The following CSN3 variants were observed in gnomAD, a reference collection of about 807,000 sequenced individuals.
CSN3 encodes the protein kappa-casein.
CSN3 carries 7 observed loss-of-function variants against 9.9 expected under a neutral mutation model. The ratio of observed to expected loss-of-function variants is 0.71; its 90% confidence interval spans 0.40 to 1.33. The LOEUF (loss-of-function observed/expected upper bound fraction) is 1.33. Among genes scored for constraint, CSN3 ranks in the 40% most tolerant of loss-of-function variants. The pLI, the probability that CSN3 is intolerant of heterozygous loss-of-function variation, is 0.01. For synonymous variants in CSN3, 88 were observed against 82.3 expected, an observed-to-expected ratio of 1.07 and a Z score of -0.37; for missense variants, 253 against 227.9, an observed-to-expected ratio of 1.11 and a Z score of -0.71.
At chr4:70,245,804 C>T (rs1849717) in intron 2 of CSN3, among the ~76,000 whole-genome samples, 17,268 of 152,030 alleles carry the variant, frequency 0.11, 1,294 homozygotes, top group East Asian at 0.27. Flanking sequence ...ATAACATGTC[C>T]ATTAATTCTA....
upstream of CSN3, among the ~76,000 whole-genome samples, chr4:70,239,323 T>C (rs1021365503): frequency 6.6e-5 from 10 of 151,880 alleles, no homozygotes; most frequent in Non-Finnish European, 1.3e-4. Context: ...ATCTAACAGC[T>C]ACCACTGGAT....
At chr4:70,249,396 A>G (rs1446309107) in exon 4 of CSN3, 4 of 1,614,092 alleles carry the variant, frequency 2.5e-6, no homozygotes. Flanking sequence ...AAGCTTTTTC[A>G]GAGTCCATCA....
At chr4:70,244,870 T>G (rs777614391) in exon 2 of CSN3, 44 of 1,565,884 alleles carry the variant, frequency 2.8e-5, no homozygotes, top group Non-Finnish European at 3.7e-5. Flanking sequence ...CCCTGCCTTT[T>G]TTGGTAAGTT....
At chr4:70,238,698 A>T (rs1205531501), upstream of CSN3, among the ~76,000 whole-genome samples, 1 of 151,880 alleles carries the variant, frequency 6.6e-6, no homozygotes, top group East Asian at 1.9e-4. Flanking sequence ...AGTGGCTGGG[A>T]CTAAAGCAAC....
At chr4:70,245,606 A>G (rs190708457) in intron 2 of CSN3, among the ~76,000 whole-genome samples, 4 of 152,054 alleles carry the variant, frequency 2.6e-5, no homozygotes, top group African/African-American at 9.6e-5. Flanking sequence ...TCATCTGGGT[A>G]TTCTAGGCAC....
chr4:70,244,415 C>T (rs1730333509), intron 1 of CSN3, among the ~76,000 whole-genome samples: 5 of 152,050 alleles, frequency 3.3e-5, no homozygotes, highest in Admixed American at 2.6e-4. Context: ...TGCTGCTTCT[C>T]TTAACTGAAA....
At chr4:70,249,126 T>G in exon 4 of CSN3, 1 of 1,614,118 alleles carries the variant, frequency 6.2e-7, no homozygotes, top group Non-Finnish European at 8.5e-7. Context: ...TAGCAATTAA[T>G]AATCCATATG....
At chr4:70,240,891 A>G (rs1425421264), upstream of CSN3, among the ~76,000 whole-genome samples, 1 of 151,980 alleles carries the variant, frequency 6.6e-6, no homozygotes, top group Admixed American at 6.6e-5. Flanking sequence ...AAAGCCCCAC[A>G]AAAGCTACAT....
intron 2 of CSN3, 55 bp from the exon 3 acceptor site, chr4:70,247,762 CT>C (rs60315013): frequency 0.15 from 204,921 of 1,374,920 alleles, 16,224 homozygotes; most frequent in South Asian, 0.27. Context: ...GATTTAAGTA[CT>C]TTTTTTTTCT....
At chr4:70,250,947 A>G (rs1730471198) in intron 4 of CSN3, among the ~76,000 whole-genome samples, 1 of 152,206 alleles carries the variant, frequency 6.6e-6, no homozygotes, top group Non-Finnish European at 1.5e-5. Flanking sequence ...CAGCTGGCTT[A>G]TTATATTTTG....
At chr4:70,248,559 T>C (rs902310168) in intron 3 of CSN3, among the ~76,000 whole-genome samples, 1 of 152,130 alleles carries the variant, frequency 6.6e-6, no homozygotes, top group Non-Finnish European at 1.5e-5. Flanking sequence ...TTGAGACCAA[T>C]TACAAATATG....
At chr4:70,247,895 A>G in intron 3 of CSN3, 45 bp downstream of exon 3, 1 of 1,478,248 alleles carries the variant, frequency 6.8e-7, no homozygotes, top group Non-Finnish European at 9.2e-7. Context: ...GAACTACAAA[A>G]TATATTCTGC....
intron 2 of CSN3, 83 bp downstream of exon 2, chr4:70,244,956 C>G: frequency 2.9e-6 from 2 of 687,582 alleles, no homozygotes; most frequent in Non-Finnish European, 4.7e-6. Context: ...CTTCTAAATA[C>G]AATTATGCTT....
chr4:70,248,012 A>G (rs1231846398), intron 3 of CSN3, among the ~76,000 whole-genome samples, 162 bp downstream of exon 3: 1 of 152,194 alleles, frequency 6.6e-6, no homozygotes, highest in Non-Finnish European at 1.5e-5. Flanking sequence ...AACAGGTGAT[A>G]TGAATCAACA....
chr4:70,238,778 C>A (rs966102091), upstream of CSN3, among the ~76,000 whole-genome samples: 1 of 151,628 alleles, frequency 6.6e-6, no homozygotes, highest in African/African-American at 2.4e-5. Flanking sequence ...ATTCTTCTAA[C>A]AGGTTGTTGC....
chr4:70,249,113 C>CT lies in CSN3; in HGVS notation c.204dup (p.Ile69TyrfsTer4), dbSNP rs772652100. On this transcript the variant is annotated frameshift_variant, in exon 4 of 5. Transcript: ENST00000304954. LOFTEE classifies it high-confidence loss of function. ...ACCAATTTGTACCAACGTAGACCAG[C>CT]TATAGCAATTAATAATCCATATGTG... is the stretch of plus-strand genomic sequence containing the variant. The CT allele has an allele frequency of 1.2e-5, 20 of 1,613,878 alleles. No individual in the cohort carries two copies. In the South Asian group the frequency reaches 2.0e-4, roughly 16 times the overall value.
intron 1 of CSN3, among the ~76,000 whole-genome samples, 170 bp downstream of exon 1, chr4:70,242,835 G>A (rs1047229062): frequency 1.3e-5 from 2 of 151,990 alleles, no homozygotes; most frequent in African/African-American, 4.8e-5. Flanking sequence ...AGTTCTGGAT[G>A]GTGTTATGTT....
intron 1 of CSN3, among the ~76,000 whole-genome samples, chr4:70,244,157 A>G (rs1318770501): frequency 1.3e-5 from 2 of 152,050 alleles, no homozygotes. Context: ...TCTAGTCCAA[A>G]AACACTCAAT....
At chr4:70,245,757 A>G (rs1730365279) in intron 2 of CSN3, among the ~76,000 whole-genome samples, 1 of 152,134 alleles carries the variant, frequency 6.6e-6, no homozygotes, top group Non-Finnish European at 1.5e-5. Context: ...GTTAACATCT[A>G]TTAATTAATT....
Sources: gnomAD v4.1 joint callset for allele counts (sites outside exome capture counted in the v4.1 genomes callset) on GRCh38, gnomAD v4.1.1 for gene constraint, MANE v1.5 for transcripts, NCBI Gene and HGNC (gene_info 2026-07-23, HGNC 2026-07-21) for gene names.